The following LSAMP variants were observed in gnomAD, a reference collection of about 807,000 sequenced individuals.
The protein encoded by LSAMP is limbic system-associated membrane protein.
LSAMP carries 7 observed loss-of-function variants against 38.6 expected under a neutral mutation model. That is an observed-to-expected ratio of 0.18 (90% CI 0.10 to 0.34). The LOEUF (loss-of-function observed/expected upper bound fraction) is 0.34, where lower values mean the gene tolerates loss of function less well. LSAMP is among the 10% of genes least tolerant of loss of function. The probability of loss-of-function intolerance (pLI) is 1.00; values close to 1 mark genes in which losing one functional copy is unlikely to be tolerated. For synonymous variants in LSAMP, 154 were observed against 166.8 expected (o/e 0.92, Z 0.59); for missense variants, 313 against 420.0 (o/e 0.75, Z 2.23).
intron 1 of LSAMP, among the ~76,000 whole-genome samples, chr3:116,329,624 A>C (rs530668018): frequency 1.3e-5 from 2 of 152,292 alleles, no homozygotes; most frequent in African/African-American, 4.8e-5. Flanking sequence ...TTCAATATTC[A>C]AAAGTAATTA....
intron 1 of LSAMP, among the ~76,000 whole-genome samples, chr3:116,437,955 A>G (rs1299966294): frequency 6.6e-6 from 1 of 151,820 alleles, no homozygotes; most frequent in Non-Finnish European, 1.5e-5. Context: ...CTACATATCT[A>G]TGAGGTTTTC....
chr3:116,076,934 ATG>A (rs1368344498), intron 2 of LSAMP, among the ~76,000 whole-genome samples: 1 of 151,952 alleles, frequency 6.6e-6, no homozygotes, highest in East Asian at 1.9e-4. Context: ...AGTATATTTT[ATG>A]TGTTTGTTAT....
chr3:116,021,180 C>A lies in LSAMP; in HGVS notation c.389-1540G>T, dbSNP rs190572160. Among the ~76,000 whole-genome samples, 33 of 152,252 alleles carry A rather than the reference C, an allele frequency of 2.2e-4. 1 individual carries two copies. The highest frequency in any genetic ancestry group is 1.0e-4 in the Non-Finnish European group (7 of 68,004). On this transcript the variant is annotated intron_variant, in intron 2 of 6. Transcript: ENST00000490035. Reference sequence around the variant, plus strand: ...ACTGTAGTTGATTCCAAATATTTAGCAATCTCTATTTACAGAGTTCCTAAT... The same window carrying A: ...ACTGTAGTTGATTCCAAATATTTAGAAATCTCTATTTACAGAGTTCCTAAT...
chr3:116,021,644 C>T (rs976082552), intron 2 of LSAMP, among the ~76,000 whole-genome samples: 9 of 151,890 alleles, frequency 5.9e-5, no homozygotes, highest in South Asian at 2.1e-4. Flanking sequence ...TGAATTGCAA[C>T]GCAGGACACA....
chr3:116,146,252 C>T (rs1709487844), intron 1 of LSAMP, among the ~76,000 whole-genome samples: 1 of 151,898 alleles, frequency 6.6e-6, no homozygotes, highest in South Asian at 2.1e-4. Flanking sequence ...CATGTATCTC[C>T]TGTCAGTTAT....
intron 6 of LSAMP, among the ~76,000 whole-genome samples, chr3:115,824,335 A>G (rs146538267): frequency 6.6e-6 from 1 of 152,306 alleles, no homozygotes; most frequent in East Asian, 1.9e-4. Context: ...GCCCTTGTCT[A>G]TGGGTGCAAA....
intron 1 of LSAMP, among the ~76,000 whole-genome samples, chr3:116,168,278 TG>T (rs1355332133): frequency 3.3e-5 from 5 of 152,192 alleles, no homozygotes; most frequent in African/African-American, 1.2e-4. Context: ...ATGATATCCC[TG>T]GAGGGGAGCT....
rs67470158 is a variant in LSAMP at position 116,127,695 on chromosome 3, A to ATTT, written c.156-41142_156-41140dup. 1.5e-3 allele frequency among the ~76,000 whole-genome samples: 144 copies of ATTT among 96,648 alleles called. 3 individuals are homozygous for ATTT. Among genetic ancestry groups the ATTT allele is most frequent in the Non-Finnish European group, 2.6e-3 (122 of 46,458 alleles). The allele number at this position is 96,648 out of a possible 152,430, so 63.4% of individuals were successfully genotyped here. ...GTCGGCAAGTTTTCAGTGTTTGTTC[A>ATTT]TTTTTTTTTTTTTTTTTTTTTTTTT... On this transcript the variant is annotated intron_variant, in intron 1 of 6. Coordinates refer to ENST00000490035, the MANE Select transcript of LSAMP (RefSeq NM_002338.5).
At chr3:115,823,179 A>G (rs1934301833) in intron 6 of LSAMP, among the ~76,000 whole-genome samples, 2 of 152,234 alleles carry the variant, frequency 1.3e-5, no homozygotes, top group South Asian at 4.1e-4. Flanking sequence ...GAGAGAACAT[A>G]TGAGCCCCCA....
intron 1 of LSAMP, among the ~76,000 whole-genome samples, chr3:116,432,582 T>A (rs1004489661): frequency 2.0e-5 from 3 of 152,122 alleles, no homozygotes; most frequent in South Asian, 4.1e-4. Context: ...TTTAAAAAAA[T>A]TGTGCATATT....
chr3:115,924,566 A>G (rs2107528514), intron 3 of LSAMP, among the ~76,000 whole-genome samples: 1 of 152,334 alleles, frequency 6.6e-6, no homozygotes, highest in South Asian at 2.1e-4. Flanking sequence ...GACAGAGAAG[A>G]CATTGCCTCA....
intron 1 of LSAMP, among the ~76,000 whole-genome samples, chr3:116,151,999 T>C (rs1709623829): frequency 6.6e-6 from 1 of 152,088 alleles, no homozygotes; most frequent in Non-Finnish European, 1.5e-5. Context: ...ACCTTTTAAA[T>C]TTATCTGATC....
chr3:115,997,739 T>C (rs182961410), intron 3 of LSAMP, among the ~76,000 whole-genome samples: 34 of 80,374 alleles, frequency 4.2e-4, no homozygotes, highest in African/African-American at 1.7e-3. Context: ...TATATATATA[T>C]ATATATATAT....
intron 1 of LSAMP, among the ~76,000 whole-genome samples, chr3:116,246,912 C>A (rs367916526): frequency 1.3e-5 from 2 of 151,936 alleles, no homozygotes; most frequent in African/African-American, 2.4e-5. Flanking sequence ...GGGGTGGGGT[C>A]GAGACAATGT....
In LSAMP at chr3:116,111,364, A is replaced by G. The variant is rs147066067; in HGVS notation, c.156-24808T>C. 3.6e-3 allele frequency among the ~76,000 whole-genome samples: 542 copies of G among 152,308 alleles called. 4 individuals carry two copies. The highest frequency in any genetic ancestry group is 0.012 in the African/African-American group (510 of 41,570). Reference sequence around the variant, plus strand: ...CTTCCTTTGATCGACAGTAAGTTTTATTCTCTCTGATTTGTGCCTAACAGA... The same window carrying G: ...CTTCCTTTGATCGACAGTAAGTTTTGTTCTCTCTGATTTGTGCCTAACAGA... On this transcript the variant is annotated intron_variant, in intron 1 of 6. Coordinates refer to ENST00000490035, the MANE Select transcript of LSAMP (RefSeq NM_002338.5).
At chr3:115,924,035 T>G (rs889400591) in intron 3 of LSAMP, among the ~76,000 whole-genome samples, 3 of 152,160 alleles carry the variant, frequency 2.0e-5, no homozygotes, top group African/African-American at 7.2e-5. Context: ...TTATTAAATG[T>G]TTACTGAGTG....
intron 3 of LSAMP, among the ~76,000 whole-genome samples, chr3:115,887,636 T>A (rs962229582): frequency 6.6e-6 from 1 of 151,970 alleles, no homozygotes; most frequent in Non-Finnish European, 1.5e-5. Flanking sequence ...ATTAAACATT[T>A]TCTGAAATGC....
Position 116,220,408 on chromosome 3 carries a change from A to G in LSAMP, c.156-133852T>C, listed in dbSNP as rs962995000. 2.0e-5 allele frequency among the ~76,000 whole-genome samples: 3 copies of G among 152,010 alleles called. No individual in the cohort carries two copies. In the South Asian group the frequency reaches 6.2e-4, roughly 32 times the overall value. On this transcript the variant is annotated intron_variant, in intron 1 of 6. Transcript: ENST00000490035. ...ACACACACACACAAAAGATACTTCT[A>G]AAAGGAACAAAGTACCAAAGGAAGA...
chr3:116,374,583 A>G (rs941727356), intron 1 of LSAMP, among the ~76,000 whole-genome samples: 4 of 151,924 alleles, frequency 2.6e-5, no homozygotes, highest in African/African-American at 9.7e-5. Flanking sequence ...CACTTTACCT[A>G]CTGGATTTCT....
Sources: gnomAD v4.1 joint callset for allele counts (sites outside exome capture counted in the v4.1 genomes callset) on GRCh38, gnomAD v4.1.1 for gene constraint, MANE v1.5 for transcripts, NCBI Gene and HGNC (gene_info 2026-07-23, HGNC 2026-07-21) for gene names.